Variants in TRIM44 observed in about 807,000 individuals in gnomAD.
TRIM44 encodes the protein tripartite motif-containing protein 44.
Under a neutral mutation model 37.4 loss-of-function variants are expected in TRIM44, and 13 were observed. The ratio of observed to expected loss-of-function variants is 0.35; its 90% CI spans 0.23 to 0.55. TRIM44 has a LOEUF of 0.55. Among genes scored for constraint, TRIM44 ranks in the 20% least tolerant of loss-of-function variants. The pLI is 0.89. For missense variants in TRIM44, 426 were observed against 437.2 expected (o/e 0.97, Z 0.23); for synonymous variants, 175 against 157.2 (o/e 1.11, Z -0.85).
chr11:35,763,547 T>G (rs1335183239), intron 4 of TRIM44, among the ~76,000 whole-genome samples: 1 of 152,156 alleles, frequency 6.6e-6, no homozygotes, highest in African/African-American at 2.4e-5. Context: ...TTTTGAACAT[T>G]TATAAAATGA....
intron 4 of TRIM44, among the ~76,000 whole-genome samples, chr11:35,803,291 G>T (rs115290458): frequency 6.7e-6 from 1 of 148,834 alleles, no homozygotes. Context: ...AAAAAAAAAT[G>T]AAACAGCCAT....
At chr11:35,686,368 G>GTTTTTTTT (rs201505822) in intron 2 of TRIM44, among the ~76,000 whole-genome samples, 5 of 143,560 alleles carry the variant, frequency 3.5e-5, no homozygotes, top group African/African-American at 1.3e-4. Flanking sequence ...TTTTGTTTTT[G>GTTTTTTTT]TTTTTGTTTT....
At chr11:35,690,200 A>G (rs188769805) in intron 2 of TRIM44, among the ~76,000 whole-genome samples, 27 of 152,290 alleles carry the variant, frequency 1.8e-4, no homozygotes, top group African/African-American at 6.5e-4. Context: ...AAACCAAAAA[A>G]TTATCTAGCA....
intron 1 of TRIM44, among the ~76,000 whole-genome samples, chr11:35,670,500 T>TA (rs1009229890): frequency 3.7e-4 from 56 of 152,332 alleles, no homozygotes; most frequent in African/African-American, 1.2e-3. Flanking sequence ...AAACTGGAGT[T>TA]ACAAGGTTTT....
rs148954787 is a variant in TRIM44 at position 35,663,923 on chromosome 11, A to G, written c.669+143A>G. ...AACTTTTTGGGAGCAGTTCTTATTC[A>G]CCGTTTTTGGTTGAACTCTTTTGAG... On this transcript the variant is annotated intron_variant, in intron 1 of 4. Transcript: ENST00000299413. 7 of 966,570 alleles carry G rather than the reference A, an allele frequency of 7.2e-6. No homozygotes were observed. The East Asian group carries it at 7.7e-5, about 11-fold the overall frequency. The allele number at this position is 966,570 out of a possible 1,614,324, so 59.9% of individuals were successfully genotyped here. A position where few individuals can be genotyped will look rare whatever the true frequency, so the allele number is the denominator to read the frequency against.
intron 4 of TRIM44, among the ~76,000 whole-genome samples, chr11:35,762,772 A>G (rs1000049481): frequency 6.6e-6 from 1 of 152,210 alleles, no homozygotes; most frequent in Non-Finnish European, 1.5e-5. Context: ...TTCCAGCTTT[A>G]CCACCTGCTA....
intron 2 of TRIM44, among the ~76,000 whole-genome samples, chr11:35,700,793 A>G (rs1828733564): frequency 6.6e-6 from 1 of 152,242 alleles, no homozygotes; most frequent in South Asian, 2.1e-4. Context: ...TAATGCTCCA[A>G]AGTAGGTAAA....
chr11:35,755,965 T>A (rs1424755829), intron 4 of TRIM44, among the ~76,000 whole-genome samples: 1 of 151,844 alleles, frequency 6.6e-6, no homozygotes, highest in Non-Finnish European at 1.5e-5. Context: ...TTCTTTTGGC[T>A]TAGGATTGAC....
intron 4 of TRIM44, among the ~76,000 whole-genome samples, chr11:35,742,608 T>TTAATTATATTAATTGTATTATATA (rs1852420327): frequency 7.6e-6 from 1 of 132,286 alleles, no homozygotes; most frequent in Non-Finnish European, 1.5e-5. Context: ...TATAATTATA[T>TTAATTATATTAATTGTATTATATA]TAATTATATT....
intron 1 of TRIM44, among the ~76,000 whole-genome samples, chr11:35,679,834 G>C (rs982157045): frequency 6.6e-6 from 1 of 152,134 alleles, no homozygotes; most frequent in Non-Finnish European, 1.5e-5. Flanking sequence ...TTTTGATCTG[G>C]TCCATCTTCC....
intron 2 of TRIM44, among the ~76,000 whole-genome samples, chr11:35,725,482 C>T (rs2135515696): frequency 6.6e-6 from 1 of 152,072 alleles, no homozygotes; most frequent in South Asian, 2.1e-4. Context: ...TACAGGCACC[C>T]ACCACCATGC....
intron 2 of TRIM44, among the ~76,000 whole-genome samples, chr11:35,719,759 T>A (rs1852079245): frequency 6.6e-6 from 1 of 152,196 alleles, no homozygotes; most frequent in South Asian, 2.1e-4. Context: ...TATTATTATT[T>A]TTTCATGTGG....
chr11:35,690,673 G>T (rs539505709), intron 2 of TRIM44, among the ~76,000 whole-genome samples: 1 of 152,314 alleles, frequency 6.6e-6, no homozygotes, highest in East Asian at 1.9e-4. Flanking sequence ...TTAAAAAGTT[G>T]TAAGTAGGGA....
chr11:35,681,651 C>T (rs1279231884), intron 1 of TRIM44, among the ~76,000 whole-genome samples: 2 of 152,114 alleles, frequency 1.3e-5, no homozygotes, highest in Admixed American at 1.3e-4. Context: ...AAAATGGAAC[C>T]AAATGTCTAC....
At chr11:35,716,805 A>T (rs959422473) in intron 2 of TRIM44, among the ~76,000 whole-genome samples, 2 of 152,174 alleles carry the variant, frequency 1.3e-5, no homozygotes, top group African/African-American at 4.8e-5. Flanking sequence ...CAGATTGTAT[A>T]ATCAAACTAT....
chr11:35,780,942 C>G (rs1240522725), intron 4 of TRIM44, among the ~76,000 whole-genome samples: 2 of 152,146 alleles, frequency 1.3e-5, no homozygotes. Flanking sequence ...GAGATCCCTT[C>G]TGTGGTGGAA....
chr11:35,687,539 C>G (rs1296807367), intron 2 of TRIM44, among the ~76,000 whole-genome samples: 1 of 152,206 alleles, frequency 6.6e-6, no homozygotes, highest in Non-Finnish European at 1.5e-5. Context: ...CAGGAGACAA[C>G]CATATTCTGA....
intron 4 of TRIM44, among the ~76,000 whole-genome samples, chr11:35,786,234 A>G (rs1853129196): frequency 6.6e-6 from 1 of 152,228 alleles, no homozygotes; most frequent in Non-Finnish European, 1.5e-5. Flanking sequence ...CTACTCTATT[A>G]CATAGGTCTT....
intron 2 of TRIM44, among the ~76,000 whole-genome samples, chr11:35,689,682 A>G (rs1851618797): frequency 1.3e-5 from 2 of 152,142 alleles, no homozygotes; most frequent in South Asian, 4.1e-4. Context: ...AGAAATTTAG[A>G]GCTTTTTTAT....
Sources: gnomAD v4.1 joint callset for allele counts (sites outside exome capture counted in the v4.1 genomes callset) on GRCh38, gnomAD v4.1.1 for gene constraint, MANE v1.5 for transcripts, NCBI Gene and HGNC (gene_info 2026-07-23, HGNC 2026-07-21) for gene names.